FRMD4A: variants seen among roughly 807,000 people sequenced by gnomAD.
FRMD4A encodes the protein FERM domain containing 4A, also known as FERM domain-containing protein 4A.
Under a neutral mutation model 129.1 loss-of-function variants are expected in FRMD4A, and 29 were observed. The observed-to-expected ratio is 0.22, with a 90% confidence interval of 0.17 to 0.31. The LOEUF (loss-of-function observed/expected upper bound fraction) is 0.31. Ranked by LOEUF, FRMD4A falls within the 10% of genes least tolerant of loss-of-function variation. The probability of loss-of-function intolerance (pLI) is 1.00; values close to 1 mark genes in which losing one functional copy is unlikely to be tolerated. For missense variants in FRMD4A, 1,272 were observed against 1,375.8 expected, an observed-to-expected ratio of 0.92 and a Z score of 1.19; for synonymous variants, 634 against 571.6, an observed-to-expected ratio of 1.11 and a Z score of -1.56.
At chr10:14,043,658 G>A (rs774353051) in intron 2 of FRMD4A, among the ~76,000 whole-genome samples, 1 of 152,068 alleles carries the variant, frequency 6.6e-6, no homozygotes, top group African/African-American at 2.4e-5. Flanking sequence ...CTCCAGCCTC[G>A]ACTGCACAGC....
chr10:13,657,371 C>G lies in FRMD4A; in HGVS notation c.2218G>C (p.Gly740Arg). The change falls in exon 22 of 25, where the codon GGC (glycine) becomes CGC (arginine). Residue 740 changes from glycine (G) to arginine (R), a missense_variant. Physicochemically the swap from Gly to Arg is moderately radical, Grantham distance 125. This residue lies in a region of FRMD4A where 972 missense variants were observed against 892.3 expected (regional missense o/e 1.09). Transcript: ENST00000357447. ...GAGCAGTCGTCCATGGGGTCTGAGC[C>G]GTTGCTGCTACGAGTCCGCGGGGTG... ...FYTPRTRSSN[G>R]SDPMDDCSSC... 1 of 1,612,198 alleles carries G rather than the reference C, an allele frequency of 6.2e-7. No homozygotes were observed.
chr10:14,181,468 C>T (rs960257944), intron 2 of FRMD4A, among the ~76,000 whole-genome samples: 6 of 152,102 alleles, frequency 3.9e-5, no homozygotes, highest in African/African-American at 1.2e-4. Flanking sequence ...TCCTTCTTCC[C>T]GTCGTCACAG....
At chr10:14,041,971 C>T (rs2131675447) in intron 2 of FRMD4A, among the ~76,000 whole-genome samples, 1 of 152,310 alleles carries the variant, frequency 6.6e-6, no homozygotes, top group South Asian at 2.1e-4. Context: ...TGATGCTCTA[C>T]TGCAAGATCC....
At chr10:13,725,997 T>C (rs1046916328) in intron 12 of FRMD4A, among the ~76,000 whole-genome samples, 3 of 152,224 alleles carry the variant, frequency 2.0e-5, no homozygotes, top group African/African-American at 4.8e-5. Flanking sequence ...ATCATGACTT[T>C]CTAAAATAAA....
chr10:13,725,466 G>C (rs973161859), intron 12 of FRMD4A, among the ~76,000 whole-genome samples: 1 of 152,164 alleles, frequency 6.6e-6, no homozygotes, highest in Non-Finnish European at 1.5e-5. Flanking sequence ...CTCCCCTCCT[G>C]TGACTTTCCA....
At chr10:13,808,333 T>C (rs1266557603) in intron 4 of FRMD4A, among the ~76,000 whole-genome samples, 1 of 152,204 alleles carries the variant, frequency 6.6e-6, no homozygotes, top group Non-Finnish European at 1.5e-5. Flanking sequence ...GACACACACA[T>C]GCTCACAATA....
At chr10:13,650,441 T>A (rs1233919362) in intron 24 of FRMD4A, among the ~76,000 whole-genome samples, 4 of 152,282 alleles carry the variant, frequency 2.6e-5, no homozygotes, top group Admixed American at 6.5e-5. Context: ...TTCGTGTATG[T>A]ATGTAGGTAT....
chr10:14,207,709 C>T (rs1288933867), intron 2 of FRMD4A, among the ~76,000 whole-genome samples: 1 of 151,996 alleles, frequency 6.6e-6, no homozygotes, highest in Non-Finnish European at 1.5e-5. Flanking sequence ...CACACACACA[C>T]ACACACACAC....
intron 8 of FRMD4A, among the ~76,000 whole-genome samples, chr10:13,748,516 G>A (rs12259932): frequency 0.022 from 3,330 of 152,130 alleles, 122 homozygotes; most frequent in African/African-American, 0.076. Context: ...TCCTTTGAGC[G>A]TCATGTCAAC....
chr10:14,316,748 G>T (rs1483204698), intron 2 of FRMD4A, among the ~76,000 whole-genome samples: 3 of 152,214 alleles, frequency 2.0e-5, no homozygotes, highest in Non-Finnish European at 4.4e-5. Flanking sequence ...ATATCAGGCT[G>T]AAGACAAAGC....
chr10:13,946,505 A>C (rs1308113716), intron 2 of FRMD4A, among the ~76,000 whole-genome samples: 1 of 152,220 alleles, frequency 6.6e-6, no homozygotes, highest in Non-Finnish European at 1.5e-5. Context: ...TCTTTTAGAC[A>C]CTGAACACAT....
At chr10:13,930,334 C>A (rs118128584) in intron 2 of FRMD4A, among the ~76,000 whole-genome samples, 1 of 152,092 alleles carries the variant, frequency 6.6e-6, no homozygotes, top group South Asian at 2.1e-4. Flanking sequence ...AAAGAGGTGA[C>A]GAGTGACAAG....
At chr10:14,119,154 G>A (rs1838359376) in intron 2 of FRMD4A, among the ~76,000 whole-genome samples, 1 of 152,158 alleles carries the variant, frequency 6.6e-6, no homozygotes, top group Admixed American at 6.5e-5. Context: ...AGCCCTCAAT[G>A]CAGAGGGTGA....
chr10:14,050,012 G>A (rs1305543401), intron 2 of FRMD4A, among the ~76,000 whole-genome samples: 2 of 152,190 alleles, frequency 1.3e-5, no homozygotes, highest in African/African-American at 4.8e-5. Context: ...GGAGGCAAGA[G>A]CTGCCTTTGA....
intron 2 of FRMD4A, among the ~76,000 whole-genome samples, chr10:13,862,987 A>T (rs2094315098): frequency 6.7e-6 from 1 of 148,534 alleles, no homozygotes; most frequent in Non-Finnish European, 1.5e-5. Context: ...TTCAGACACT[A>T]CGGGAGCCCT....
intron 3 of FRMD4A, among the ~76,000 whole-genome samples, chr10:13,836,808 A>G (rs1360421241): frequency 2.3e-5 from 3 of 128,316 alleles, no homozygotes; most frequent in Non-Finnish European, 4.6e-5. Context: ...CCAAGGCTGG[A>G]GTGCAGTGGC....
chr10:14,153,229 T>C (rs550128988), intron 2 of FRMD4A, among the ~76,000 whole-genome samples: 135 of 152,214 alleles, frequency 8.9e-4, no homozygotes, highest in Non-Finnish European at 1.6e-3. Context: ...TTCAATTTAA[T>C]AGAATAAAGA....
intron 2 of FRMD4A, among the ~76,000 whole-genome samples, chr10:14,073,806 T>C (rs775832092): frequency 1.3e-5 from 2 of 152,144 alleles, no homozygotes; most frequent in Non-Finnish European, 2.9e-5. Context: ...ATAAATTGGG[T>C]CACCAAAAGT....
chr10:14,175,743 T>C (rs1841699103), intron 2 of FRMD4A, among the ~76,000 whole-genome samples: 1 of 152,152 alleles, frequency 6.6e-6, no homozygotes, highest in Non-Finnish European at 1.5e-5. Flanking sequence ...CAGGCTGGTC[T>C]CAAACTCCTG....
Sources: gnomAD v4.1 joint callset for allele counts (sites outside exome capture counted in the v4.1 genomes callset) on GRCh38, gnomAD v4.1.1 for gene constraint, gnomAD v4.1.1 regional missense constraint, MANE v1.5 for transcripts, NCBI Gene and HGNC (gene_info 2026-07-23, HGNC 2026-07-21) for gene names.